Variants in ZNF875 observed in about 807,000 individuals in gnomAD.
ZNF875 encodes the protein HKR1, GLI-Kruppel zinc finger family member.
In ZNF875, 14 loss-of-function variants were observed where a neutral mutation model predicts 11.2. The ratio of observed to expected loss-of-function variants is 1.26; its 90% CI spans 0.83 to 1.96. The LOEUF (loss-of-function observed/expected upper bound fraction) is 1.96. ZNF875 is among the 30% of genes most tolerant of loss of function. The pLI, the probability that ZNF875 is intolerant of heterozygous loss-of-function variation, is 0.00. For synonymous variants in ZNF875, 301 were observed against 281.1 expected (o/e 1.07, Z -0.71); for missense variants, 752 against 760.4 (o/e 0.99, Z 0.13).
chr19:37,332,384 T>G (rs754709935), upstream of ZNF875, among the ~76,000 whole-genome samples: 85 of 152,046 alleles, frequency 5.6e-4, no homozygotes, highest in Non-Finnish European at 1.1e-3. Context: ...GCCCAGCTAA[T>G]TTTTGTATTT....
rs1217595476 is a variant in ZNF875 at position 37,362,854 on chromosome 19, G to T, written c.1002G>T (p.Gly334=). 1.4e-5 allele frequency: 23 copies of T among 1,614,014 alleles called. No individual in the cohort carries two copies. Among genetic ancestry groups the T allele is most frequent in the Non-Finnish European group, 1.9e-5 (23 of 1,180,038 alleles). ...NLFTHQRTHS[G]LKPYVCKECG... ...TTACACATCAGCGGACACACTCAGG[G>T]CTCAAGCCTTATGTGTGCAAGGAAT... The change falls in exon 5 of 5, where the codon GGG becomes GGT. Residue 334 remains glycine, a synonymous_variant. Transcript: ENST00000392153.
At chr19:37,321,493 T>C (rs957383856) in intron 1 of ZNF875, among the ~76,000 whole-genome samples, 11 of 152,182 alleles carry the variant, frequency 7.2e-5, no homozygotes, top group African/African-American at 2.7e-4. Flanking sequence ...ATGGTAGAGA[T>C]AATGATCAAT....
chr19:37,312,846 C>G (rs2145595566), exon 1 of ZNF875: 1 of 151,614 alleles, frequency 6.6e-6, no homozygotes, highest in Non-Finnish European at 1.5e-5. Context: ...CAGGTCCCGC[C>G]TCCGCCAGCC....
At chr19:37,328,060 G>C (rs1446985877) in intron 4 of ZNF875, among the ~76,000 whole-genome samples, 1 of 152,040 alleles carries the variant, frequency 6.6e-6, no homozygotes, top group East Asian at 1.9e-4. Flanking sequence ...TGACCAACAC[G>C]GAGAAACCCC....
At chr19:37,323,165 T>TG (rs386388967) in intron 2 of ZNF875, among the ~76,000 whole-genome samples, 1 of 151,600 alleles carries the variant, frequency 6.6e-6, no homozygotes, top group Non-Finnish European at 1.5e-5. Flanking sequence ...ATTTCCTTTT[T>TG]TTTTTTGAAA....
chr19:37,341,059 A>G (rs1308662084), intron 2 of ZNF875, among the ~76,000 whole-genome samples: 1 of 152,164 alleles, frequency 6.6e-6, no homozygotes, highest in Non-Finnish European at 1.5e-5. Flanking sequence ...TAATGAATTC[A>G]TGCCCAGGAG....
intron 2 of ZNF875, chr19:37,337,819 A>G (rs897604069): frequency 6.6e-6 from 1 of 152,150 alleles, no homozygotes; most frequent in South Asian, 2.1e-4. Context: ...AACATTCATT[A>G]AGCACCAACA....
chr19:37,347,599 A>G, intron 3 of ZNF875, 178 bp from the exon 4 acceptor site: 1 of 614,402 alleles, frequency 1.6e-6, no homozygotes, highest in South Asian at 2.0e-5. Flanking sequence ...AGTGTTCATA[A>G]TATGCCATCT....
At chr19:37,316,340 C>T (rs1316751319), upstream of ZNF875, among the ~76,000 whole-genome samples, 1 of 152,168 alleles carries the variant, frequency 6.6e-6, no homozygotes, top group African/African-American at 2.4e-5. Context: ...TTTGTGTTTC[C>T]TTTGTCCATT....
intron 4 of ZNF875, among the ~76,000 whole-genome samples, chr19:37,352,364 C>T (rs1233917175): frequency 6.6e-6 from 1 of 152,104 alleles, no homozygotes; most frequent in African/African-American, 2.4e-5. Flanking sequence ...CTTCAGCCTC[C>T]TGAGTAGCTG....
intron 2 of ZNF875, chr19:37,346,936 T>C (rs1416891662): frequency 5.3e-6 from 2 of 379,468 alleles, no homozygotes; most frequent in Non-Finnish European, 9.9e-6. Context: ...CAATCTCGGC[T>C]TACCGCAAGT....
chr19:37,337,141 A>G (rs2034639373), intron 2 of ZNF875: 1 of 147,074 alleles, frequency 6.8e-6, no homozygotes, highest in Non-Finnish European at 1.5e-5. Flanking sequence ...CAACGTCTTT[A>G]TCATTTGGAC....
At chr19:37,343,889 C>G (rs1227980484) in intron 2 of ZNF875, among the ~76,000 whole-genome samples, 2 of 152,146 alleles carry the variant, frequency 1.3e-5, no homozygotes, top group South Asian at 2.1e-4. Flanking sequence ...TTAGGCTGTT[C>G]TAAACAATAA....
rs556902010 is a variant in ZNF875, at chr19:37,362,598, C to T, written c.746C>T (p.Thr249Ile). The change falls in exon 5 of 5, where the codon ACT becomes ATT. Residue 249 changes from threonine (T) to isoleucine (I), a missense_variant. Physicochemically the swap from Thr to Ile is moderately conservative, Grantham distance 89. Coordinates refer to ENST00000392153, the MANE Select transcript of ZNF875 (RefSeq NM_001353803.2). Reference sequence around the variant, plus strand: ...CTCCTTAGCCTCCAGAAGACACAAACTGGGGAGACACCTTACATGTACACT... The same window carrying T: ...CTCCTTAGCCTCCAGAAGACACAAATTGGGGAGACACCTTACATGTACACT... ...SNLLSLQKTQ[T>I]GETPYMYTEW... is the part of the protein sequence containing the mutation. The T allele has an allele frequency of 1.9e-6, 3 of 1,614,016 alleles. No homozygotes were observed. In the South Asian group the frequency reaches 3.3e-5, roughly 18 times the overall value.
upstream of ZNF875, among the ~76,000 whole-genome samples, chr19:37,334,397 G>C (rs372527701): frequency 6.6e-6 from 1 of 152,196 alleles, no homozygotes; most frequent in Non-Finnish European, 1.5e-5. Flanking sequence ...AGAATCCTTC[G>C]GCAGTCCCGC....
upstream of ZNF875, among the ~76,000 whole-genome samples, chr19:37,330,384 G>A (rs1208802202): frequency 6.6e-6 from 1 of 152,144 alleles, no homozygotes; most frequent in Non-Finnish European, 1.5e-5. Context: ...ACCCTTGAAT[G>A]TACCCTCCAG....
chr19:37,333,088 G>A (rs564403563), upstream of ZNF875, among the ~76,000 whole-genome samples: 3 of 152,186 alleles, frequency 2.0e-5, no homozygotes, highest in Admixed American at 6.5e-5. Context: ...CTTATCACTT[G>A]AGAGTCCCCT....
At chr19:37,334,359 C>A (rs866652756), upstream of ZNF875, among the ~76,000 whole-genome samples, 1 of 152,248 alleles carries the variant, frequency 6.6e-6, no homozygotes, top group Non-Finnish European at 1.5e-5. Flanking sequence ...ACACTGGCCA[C>A]CCGCAGAGCA....
At chr19:37,326,736 C>T (rs2032523472) in intron 4 of ZNF875, among the ~76,000 whole-genome samples, 1 of 126,758 alleles carries the variant, frequency 7.9e-6, no homozygotes, top group Non-Finnish European at 1.6e-5. Context: ...GGCGTGATCT[C>T]ATCTCACTAC....
Sources: gnomAD v4.1 joint callset for allele counts (sites outside exome capture counted in the v4.1 genomes callset) on GRCh38, gnomAD v4.1.1 for gene constraint, MANE v1.5 for transcripts, NCBI Gene and HGNC (gene_info 2026-07-23, HGNC 2026-07-21) for gene names.